Variants in FHOD1 observed in about 807,000 individuals in gnomAD.
FHOD1 encodes formin homology 2 domain containing 1.
A neutral mutation model predicts 111.6 loss-of-function variants in FHOD1; 89 were observed. The ratio of observed to expected loss-of-function variants is 0.80; its 90% CI spans 0.67 to 0.95. The LOEUF is 0.95. Ranked by LOEUF, FHOD1 falls within the 40% of genes least tolerant of loss-of-function variation. The pLI is 0.00. For missense variants in FHOD1, 1,446 were observed against 1,554.2 expected, an observed-to-expected ratio of 0.93 and a Z score of 1.17; for synonymous variants, 618 against 639.0, an observed-to-expected ratio of 0.97 and a Z score of 0.50.
chr16:67,239,045 C>A, intron 2 of FHOD1, 78 bp from the exon 3 acceptor site: 1 of 1,377,664 alleles, frequency 7.3e-7, no homozygotes, highest in East Asian at 2.3e-5. Flanking sequence ...GAGCCAAAGA[C>A]CTCCCCATGC....
At chr16:67,240,871 AGGCAGGGTGTCTTCT>A (rs2034644330) in intron 1 of FHOD1, among the ~76,000 whole-genome samples, 1 of 152,222 alleles carries the variant, frequency 6.6e-6, no homozygotes, top group Non-Finnish European at 1.5e-5. Flanking sequence ...ACCTCTGGAG[AGGCAGGGTGTCTTCT>A]GGTCTCCATC....
chr16:67,236,795 G>A, intron 10 of FHOD1, 62 bp from the exon 11 acceptor site: 1 of 1,331,312 alleles, frequency 7.5e-7, no homozygotes, highest in African/African-American at 1.5e-5. Flanking sequence ...CCTGTCAGTG[G>A]GGTGGGGCCT....
rs768690449 is a variant in FHOD1 at position 67,234,040 on chromosome 16, G to T, written c.1663C>A (p.Gln555Lys). 1.2e-6 allele frequency: 2 copies of T among 1,613,786 alleles called. No individual in the cohort carries two copies. Among genetic ancestry groups the T allele is most frequent in the Non-Finnish European group, 1.7e-6 (2 of 1,179,964 alleles). ...DFSDLGEDED[Q>K]DMLNVESVEA... ...ACAGACTCTACATTCAGCATGTCCT[G>T]GTCTTCATCCTCCCCTAGATCTGAA... The change falls in exon 13 of 22, where the codon CAG (glutamine) becomes AAG (lysine). Residue 555 changes from glutamine (Q) to lysine (K), a missense_variant. Transcript: ENST00000258201.
intron 13 of FHOD1, among the ~76,000 whole-genome samples, chr16:67,232,913 C>T (rs1369395642): frequency 5.9e-5 from 9 of 151,862 alleles, no homozygotes; most frequent in Admixed American, 2.0e-4. Context: ...TGAGCCACCA[C>T]GCCCAGCTCA....
At position 67,230,514 on chromosome 16, in the gene FHOD1, G is replaced by T. The variant is rs1261852851; in HGVS notation, c.2859-8C>A. 6.2e-7 allele frequency: 1 copy of T among 1,614,188 alleles called. No individual in the cohort carries two copies. The highest frequency in any genetic ancestry group is 2.2e-5 in the East Asian group (1 of 44,892). ...AGCAGGAAGGCATGGAACCTAGGCA[G>T]GTCAGAGTAGGGAGGGACAGTAAGT... On this transcript the variant is annotated splice_region_variant and splice_polypyrimidine_tract_variant and intron_variant, in intron 18 of 21. Coordinates refer to ENST00000258201, the MANE Select transcript of FHOD1 (RefSeq NM_013241.3).
intron 1 of FHOD1, among the ~76,000 whole-genome samples, chr16:67,241,375 C>T (rs1211557750): frequency 6.6e-6 from 1 of 152,188 alleles, no homozygotes; most frequent in Non-Finnish European, 1.5e-5. Context: ...TCCTCCTGAT[C>T]TCTTCCCACA....
In FHOD1 at chr16:67,229,407, T is replaced by C. The variant is rs1006117998; in HGVS notation, c.*229A>G. On this transcript the variant is annotated 3_prime_UTR_variant, in exon 22 of 22. Transcript: ENST00000258201. ...AAACCTGTTGGATTAGCTAAGAAAA[T>C]TTTATTTTGCTCCGTGCGTTCAAGG... The C allele has an allele frequency of 1.7e-6, 1 of 593,900 alleles. No homozygotes were observed. Among genetic ancestry groups the C allele is most frequent in the Non-Finnish European group, 3.0e-6 (1 of 337,288 alleles). 36.8% of individuals were successfully genotyped at this position (593,900 alleles called of 1,614,324 possible). A position where few individuals can be genotyped will look rare whatever the true frequency, so the allele number is the denominator to read the frequency against.
chr16:67,230,413 C>G lies in FHOD1; in HGVS notation c.2952G>C (p.Ala984=). ...GTTCCCGGCAAGTCCGATACTCAAG[C>G]GCAAATTCCCGCAGCGTGTGGCAGA... ...MQFCHTLREF[A]LEYRTCRERV... Residue 984 remains alanine, a synonymous_variant, in exon 19 of 22, where the codon GCG becomes GCC. Coordinates refer to ENST00000258201, the MANE Select transcript of FHOD1 (RefSeq NM_013241.3). 6.2e-7 allele frequency: 1 copy of G among 1,614,238 alleles called. No individual in the cohort carries two copies. Among genetic ancestry groups the G allele is most frequent in the Non-Finnish European group, 8.5e-7 (1 of 1,180,038 alleles).
rs1458619991 is a variant in FHOD1, at chr16:67,231,246, G to A, written c.2609C>T (p.Thr870Ile). The A allele has an allele frequency of 1.9e-6, 3 of 1,614,112 alleles. No homozygotes were observed. The highest frequency in any genetic ancestry group is 2.5e-6 in the Non-Finnish European group (3 of 1,180,042). Residue 870 changes from threonine to isoleucine, a missense_variant, in exon 17 of 22, where the codon ACC becomes ATC. Thr to Ile is a moderately conservative substitution (Grantham distance 89, BLOSUM62 -1). Transcript: ENST00000258201. This position sits in a 1 kb window ranked among gnomAD's most constrained non-coding sequence, Gnocchi z 4.3. ...ATAGAGGTCAGAGGACTCAGGCCGGGTCTGGAGCACTAGGGAGCAGAGATG... is the reference window on the plus strand; with the variant it reads ...ATAGAGGTCAGAGGACTCAGGCCGGATCTGGAGCACTAGGGAGCAGAGATG... ...LHHLCSLVLQ[T>I]RPESSDLYSE...
chr16:67,245,719 T>A (rs1297729742), intron 1 of FHOD1, among the ~76,000 whole-genome samples: 1 of 150,258 alleles, frequency 6.7e-6, no homozygotes, highest in Non-Finnish European at 1.5e-5. Context: ...TACTCCAGCC[T>A]GGGAGACAGA....
At chr16:67,239,702 T>C (rs573688624) in intron 1 of FHOD1, among the ~76,000 whole-genome samples, 3 of 152,214 alleles carry the variant, frequency 2.0e-5, no homozygotes, top group Non-Finnish European at 2.9e-5. Context: ...ACCTATTCTT[T>C]AGGTTGCTAT....
In FHOD1 at chr16:67,230,750, C is replaced by G. The variant is rs1014894880; in HGVS notation, c.2709G>C (p.Glu903Asp). The G allele has an allele frequency of 6.8e-6, 11 of 1,608,180 alleles. No homozygotes were observed. The highest frequency in any genetic ancestry group is 4.5e-5 in the East Asian group (2 of 44,772). ...TCTCCTCGGCTGCCCGGCTCCGGCG[C>G]TCCAGCTGCCCCAGGTTCTCAGTCA... The part of the protein sequence containing the change: ...EQLTENLGQL[E>D]RRSRAAEESL... Residue 903 changes from glutamate (E) to aspartate (D), a missense_variant, in exon 18 of 22, where the codon GAG becomes GAC. Physicochemically the swap from Glu to Asp is conservative, Grantham distance 45. Coordinates refer to ENST00000258201, the MANE Select transcript of FHOD1 (RefSeq NM_013241.3).
rs1484696640 is a variant in FHOD1 at position 67,229,607 on chromosome 16, T to C, written c.*29A>G. Reference sequence around the variant, plus strand: ...TCATCTCCTGCACTGCAGTCCAGGGTCCAGATAGATTTCCGGGATACAGCA... The same window carrying C: ...TCATCTCCTGCACTGCAGTCCAGGGCCCAGATAGATTTCCGGGATACAGCA... On this transcript the variant is annotated 3_prime_UTR_variant, in exon 22 of 22. Transcript: ENST00000258201. The C allele has an allele frequency of 6.3e-7, 1 of 1,599,798 alleles. No individual in the cohort carries two copies. Among genetic ancestry groups the C allele is most frequent in the Non-Finnish European group, 8.6e-7 (1 of 1,167,128 alleles).
intron 1 of FHOD1, among the ~76,000 whole-genome samples, chr16:67,239,794 T>C (rs2034615206): frequency 6.6e-6 from 1 of 152,250 alleles, no homozygotes; most frequent in South Asian, 2.1e-4. Flanking sequence ...TGGTCTCCTC[T>C]AGCTGCGTTC....
At position 67,230,456 on chromosome 16, in the gene FHOD1, T is replaced by A; in HGVS notation, c.2909A>T (p.Glu970Val). Residue 970 changes from glutamate to valine, a missense_variant, in exon 19 of 22, where the codon GAA (glutamate) becomes GTA (valine). This residue lies in a region of FHOD1 where 1,085 missense variants were observed against 1,108.8 expected (regional missense o/e 0.98). Coordinates refer to ENST00000258201, the MANE Select transcript of FHOD1 (RefSeq NM_013241.3). ...GTGGCAGAACTGCATGATGCGCACTTCACGGGCCGCCTGCGGGGTGTAGCC... is the reference window on the plus strand; with the variant it reads ...GTGGCAGAACTGCATGATGCGCACTACACGGGCCGCCTGCGGGGTGTAGCC... ...YLGYTPQAAR[E>V]VRIMQFCHTL... 6.2e-7 allele frequency: 1 copy of A among 1,614,210 alleles called. No individual in the cohort carries two copies. The highest frequency in any genetic ancestry group is 1.1e-5 in the South Asian group (1 of 91,086).
rs772521918 is a variant in FHOD1 at position 67,232,130 on chromosome 16, T to A, written c.2111A>T (p.Asn704Ile). The A allele has an allele frequency of 3.1e-6, 5 of 1,614,120 alleles. No individual in the cohort carries two copies. In the South Asian group the frequency reaches 3.3e-5, roughly 11 times the overall value. ...AGGTGGCAGTGTGGTTAGGCCGATG[T>A]TGATGGCGTTGCTGCGCTTGGGGTC... is the stretch of plus-strand genomic sequence containing the variant. ...VLDPKRSNAI[N>I]IGLTTLPPVH... is the part of the protein sequence containing the mutation. The change falls in exon 14 of 22, where the codon AAC becomes ATC. Residue 704 changes from asparagine to isoleucine, a missense_variant. Coordinates refer to ENST00000258201, the MANE Select transcript of FHOD1 (RefSeq NM_013241.3).
intron 1 of FHOD1, among the ~76,000 whole-genome samples, chr16:67,242,700 G>T (rs573678602): frequency 6.6e-6 from 1 of 152,142 alleles, no homozygotes; most frequent in Non-Finnish European, 1.5e-5. Flanking sequence ...CTGTCTTGGG[G>T]TGGAGTCTTT....
Position 67,247,344 on chromosome 16 carries a change from G to C in FHOD1, c.67C>G (p.Leu23Val), listed in dbSNP as rs745712930. Residue 23 changes from leucine to valine, a missense_variant, in exon 1 of 22, where the codon CTG becomes GTG. Leu to Val is a conservative substitution (Grantham distance 32). Around this residue, in one of 3 missense-constraint regions of FHOD1, gnomAD observed 127 missense variants for 118.0 expected, o/e 1.08. Transcript: ENST00000258201. ...CATGCGAAGGGGTCGGTGTCTTCCAGGTACTGCACCCTCACGGTCACCACT... is the reference window on the plus strand; with the variant it reads ...CATGCGAAGGGGTCGGTGTCTTCCACGTACTGCACCCTCACGGTCACCACT... ...VSVVTVRVQY[L>V]EDTDPFACAN... The C allele has an allele frequency of 8.1e-6, 13 of 1,613,712 alleles. No homozygotes were observed. The Admixed American group carries it at 1.3e-4, about 17-fold the overall frequency.
At chr16:67,244,287 C>T (rs1022922761) in intron 1 of FHOD1, among the ~76,000 whole-genome samples, 1 of 152,054 alleles carries the variant, frequency 6.6e-6, no homozygotes, top group Non-Finnish European at 1.5e-5. Context: ...AGACACTTCC[C>T]AGAAGGGAGG....
Sources: gnomAD v4.1 joint callset for allele counts (sites outside exome capture counted in the v4.1 genomes callset) on GRCh38, gnomAD v4.1.1 for gene constraint, gnomAD v4.1.1 regional missense constraint, Gnocchi (gnomAD v3.1) non-coding constraint, MANE v1.5 for transcripts, NCBI Gene and HGNC (gene_info 2026-07-23, HGNC 2026-07-21) for gene names.